PLEKHH2: variants seen among roughly 807,000 people sequenced by gnomAD.
The protein encoded by PLEKHH2 is pleckstrin homology, MyTH4 and FERM domain containing H2.
In PLEKHH2, 129 loss-of-function variants were observed where a neutral mutation model predicts 187.9. The observed-to-expected ratio is 0.69, with a 90% confidence interval of 0.59 to 0.79. PLEKHH2 has a LOEUF of 0.79. Ranked by LOEUF, PLEKHH2 falls within the 30% of genes least tolerant of loss-of-function variation. The pLI, the probability that PLEKHH2 is intolerant of heterozygous loss-of-function variation, is 0.00. For missense variants in PLEKHH2, 2,076 were observed against 1,751.2 expected (o/e 1.19, Z -3.31); for synonymous variants, 686 against 605.6 (o/e 1.13, Z -1.95).
chr2:43,717,504 G>A (rs926616437), intron 15 of PLEKHH2, among the ~76,000 whole-genome samples: 1 of 152,158 alleles, frequency 6.6e-6, no homozygotes, highest in African/African-American at 2.4e-5. Context: ...GGAATTGGGA[G>A]GAAGTTGTGA....
At chr2:43,688,639 G>C (rs1668642906) in intron 3 of PLEKHH2, among the ~76,000 whole-genome samples, 1 of 152,172 alleles carries the variant, frequency 6.6e-6, no homozygotes, top group South Asian at 2.1e-4. Flanking sequence ...TCAGTGATTT[G>C]CTAGAATAAC....
At chr2:43,690,221 C>T (rs1205269344) in intron 3 of PLEKHH2, among the ~76,000 whole-genome samples, 1 of 152,232 alleles carries the variant, frequency 6.6e-6, no homozygotes, top group Non-Finnish European at 1.5e-5. Flanking sequence ...ATTTCTGATG[C>T]AGACCTTTGT....
At chr2:43,684,356 C>T (rs1282133748) in intron 3 of PLEKHH2, among the ~76,000 whole-genome samples, 1 of 152,006 alleles carries the variant, frequency 6.6e-6, no homozygotes, top group Non-Finnish European at 1.5e-5. Context: ...CTTTCCCTTC[C>T]CTTCCTTTCT....
intron 15 of PLEKHH2, among the ~76,000 whole-genome samples, chr2:43,715,390 T>C (rs1357038720): frequency 6.6e-6 from 1 of 152,184 alleles, no homozygotes; most frequent in Non-Finnish European, 1.5e-5. Context: ...ATTTTTGTCT[T>C]TTTAAGGACT....
chr2:43,684,151 A>C (rs1165035131), intron 3 of PLEKHH2, among the ~76,000 whole-genome samples: 1 of 152,168 alleles, frequency 6.6e-6, no homozygotes. Context: ...AGTATCATAT[A>C]GGATATGATA....
chr2:43,734,898 A>AT (rs1163946197), intron 19 of PLEKHH2, among the ~76,000 whole-genome samples: 4 of 152,224 alleles, frequency 2.6e-5, no homozygotes, highest in Non-Finnish European at 5.9e-5. Context: ...CCAGTGGCTC[A>AT]GGCCTGTAAT....
intron 1 of PLEKHH2, among the ~76,000 whole-genome samples, chr2:43,641,624 T>C (rs992759324): frequency 2.6e-5 from 4 of 152,220 alleles, no homozygotes; most frequent in Admixed American, 6.5e-5. Context: ...TTTAGAGCTT[T>C]GGCTGGTACC....
At position 43,704,004 on chromosome 2, in the gene PLEKHH2, CA is replaced by C; in HGVS notation, c.1677del (p.Lys559AsnfsTer34). ...SWESRIYAVA[K>X]SGIRMSEAFN... ...AGGAAAGCAGAATTTATGCTGTAGC[CA>C]AATCAGGTATTCGAATGTCTGAGGC... On this transcript the variant is annotated frameshift_variant, in exon 9 of 30. Transcript: ENST00000282406. LOFTEE classifies it high-confidence loss of function. 1 of 1,584,478 alleles carries C rather than the reference CA, an allele frequency of 6.3e-7. No individual in the cohort carries two copies.
intron 3 of PLEKHH2, chr2:43,679,407 T>TA: frequency 7.6e-5 from 21 of 278,118 alleles, no homozygotes; most frequent in South Asian, 1.8e-4. Flanking sequence ...ACCTAAGAGT[T>TA]AAAAAAAAAG....
chr2:43,752,537 C>T (rs1381528773), intron 24 of PLEKHH2, among the ~76,000 whole-genome samples: 1 of 152,150 alleles, frequency 6.6e-6, no homozygotes, highest in South Asian at 2.1e-4. Context: ...GGTGTGTCCT[C>T]TCCCACAAGT....
intron 3 of PLEKHH2, among the ~76,000 whole-genome samples, chr2:43,687,017 C>T (rs1668556725): frequency 6.6e-6 from 1 of 152,054 alleles, no homozygotes; most frequent in African/African-American, 2.4e-5. Flanking sequence ...TTATTTTAGA[C>T]TCAGAGGGTA....
intron 2 of PLEKHH2, among the ~76,000 whole-genome samples, chr2:43,667,881 C>A (rs1667289935): frequency 6.6e-6 from 1 of 151,906 alleles, no homozygotes; most frequent in Non-Finnish European, 1.5e-5. Context: ...TTCCACAACT[C>A]TGTGAATATA....
intron 24 of PLEKHH2, among the ~76,000 whole-genome samples, chr2:43,749,209 G>A (rs1671909789): frequency 6.6e-6 from 1 of 152,214 alleles, no homozygotes; most frequent in African/African-American, 2.4e-5. Context: ...AACATCACAA[G>A]GAAGGACAAA....
Position 43,710,284 on chromosome 2 carries a change from G to C in PLEKHH2, c.2168G>C (p.Arg723Pro). The C allele has an allele frequency of 1.2e-6, 2 of 1,614,116 alleles. No homozygotes were observed. Among genetic ancestry groups the C allele is most frequent in the Non-Finnish European group, 1.7e-6 (2 of 1,180,018 alleles). ...MSGKVKSWKR[R>P]WFVLKGGELL... is the part of the protein sequence containing the mutation. ...GGTAAAGTCAAGTCTTGGAAGCGGC[G>C]GTGGTTTGTTCTTAAAGGTGGTGAA... The change falls in exon 13 of 30, where the codon CGG (arginine) becomes CCG (proline). Residue 723 changes from arginine to proline, a missense_variant. Transcript: ENST00000282406.
intron 3 of PLEKHH2, among the ~76,000 whole-genome samples, chr2:43,689,850 G>A (rs1490366512): frequency 3.3e-5 from 5 of 152,088 alleles, no homozygotes; most frequent in African/African-American, 1.2e-4. Flanking sequence ...TGTTATTCAG[G>A]GTAAAAGAGT....
intron 17 of PLEKHH2, among the ~76,000 whole-genome samples, chr2:43,728,687 G>A (rs1297580910): frequency 6.0e-5 from 9 of 150,070 alleles, no homozygotes; most frequent in African/African-American, 1.2e-4. Flanking sequence ...TCAGCCTCCC[G>A]AACAGCTGGG....
rs1353501472 is a variant in PLEKHH2, at chr2:43,738,502, T to C, written c.3105T>C (p.Asn1035=). 29 of 1,612,238 alleles carry C rather than the reference T, an allele frequency of 1.8e-5. No homozygotes were observed. The highest frequency in any genetic ancestry group is 2.5e-5 in the Non-Finnish European group (29 of 1,178,778). The part of the protein sequence containing the change: ...IKQTRRRQPQ[N]QPGPLQGWQL... ...AGACAAGACGAAGACAGCCACAGAA[T>C]CAACCAGGACCATTGCAGGTAGATA... The change falls in exon 20 of 30, where the codon AAT becomes AAC. Residue 1035 remains asparagine, a synonymous_variant. Coordinates refer to ENST00000282406, the MANE Select transcript of PLEKHH2 (RefSeq NM_172069.4).
At chr2:43,749,774 G>A (rs1428991204) in intron 24 of PLEKHH2, among the ~76,000 whole-genome samples, 2 of 152,190 alleles carry the variant, frequency 1.3e-5, no homozygotes, top group Non-Finnish European at 2.9e-5. Context: ...ACAGTTAGGA[G>A]GGAACCTTGC....
rs545125737 is a variant in PLEKHH2, at chr2:43,734,113, A to G, written c.2943+2511A>G. The stretch of plus-strand genomic sequence containing the variant: ...TTTCTTTTACTTTTTACTTGGGACA[A>G]TTTCCAACATATATGAGTAGAGAGA... On this transcript the variant is annotated intron_variant, in intron 19 of 29. Coordinates refer to ENST00000282406, the MANE Select transcript of PLEKHH2 (RefSeq NM_172069.4). Among the ~76,000 whole-genome samples the G allele has an allele frequency of 8.5e-5, 13 of 152,278 alleles. No homozygotes were observed. In the South Asian group the frequency reaches 2.7e-3, roughly 32 times the overall value.
Sources: allele counts gnomAD v4.1 joint callset (sites outside exome capture counted in the v4.1 genomes callset), GRCh38; gene constraint gnomAD v4.1.1; transcripts MANE v1.5; gene names NCBI Gene and HGNC (gene_info 2026-07-23, HGNC 2026-07-21).